The following ZNF148 variants were observed in gnomAD, a reference collection of about 807,000 sequenced individuals.
ZNF148 encodes zinc finger protein 148.
Under a neutral mutation model 67.7 loss-of-function variants are expected in ZNF148, and 7 were observed. The observed-to-expected ratio is 0.10, with a 90% CI of 0.06 to 0.19. The LOEUF (loss-of-function observed/expected upper bound fraction) is 0.19. Among genes scored for constraint, ZNF148 ranks in the 10% least tolerant of loss-of-function variants. The probability of loss-of-function intolerance (pLI) is 1.00; values close to 1 mark genes in which losing one functional copy is unlikely to be tolerated. For synonymous variants in ZNF148, 333 were observed against 330.7 expected, an observed-to-expected ratio of 1.01 and a Z score of -0.08; for missense variants, 583 against 947.1, an observed-to-expected ratio of 0.62 and a Z score of 5.05.
At chr3:125,362,350 T>C (rs879645256) in intron 1 of ZNF148, among the ~76,000 whole-genome samples, 1 of 152,084 alleles carries the variant, frequency 6.6e-6, no homozygotes, top group Non-Finnish European at 1.5e-5. Flanking sequence ...AGAATAAGAG[T>C]TGTTGTTCTT....
intron 7 of ZNF148, among the ~76,000 whole-genome samples, chr3:125,251,758 T>C (rs1016571359): frequency 2.6e-5 from 4 of 152,220 alleles, no homozygotes; most frequent in Non-Finnish European, 4.4e-5. Context: ...CTAACAAGGC[T>C]GCTTAAATGT....
chr3:125,342,115 G>A (rs1448080036), intron 1 of ZNF148, among the ~76,000 whole-genome samples: 1 of 107,118 alleles, frequency 9.3e-6, no homozygotes, highest in Non-Finnish European at 1.9e-5. Context: ...GTAGCTTTAG[G>A]GAACTACAGG....
intron 7 of ZNF148, among the ~76,000 whole-genome samples, chr3:125,249,588 C>T (rs1936748279): frequency 6.6e-6 from 1 of 151,740 alleles, no homozygotes; most frequent in Admixed American, 6.6e-5. Flanking sequence ...ACTGACAGAG[C>T]CATTATGGAA....
intron 7 of ZNF148, among the ~76,000 whole-genome samples, chr3:125,243,258 G>A (rs1936447566): frequency 6.6e-6 from 1 of 152,120 alleles, no homozygotes; most frequent in African/African-American, 2.4e-5. Flanking sequence ...TGTGAAAAGA[G>A]TGTTTTCTTC....
At chr3:125,277,011 A>AAC (rs1938111790) in intron 7 of ZNF148, among the ~76,000 whole-genome samples, 1 of 152,230 alleles carries the variant, frequency 6.6e-6, no homozygotes, top group African/African-American at 2.4e-5. Flanking sequence ...ATTCAAAGTT[A>AAC]TACAAATTTA....
chr3:125,263,572 A>G (rs1260263554), intron 7 of ZNF148, among the ~76,000 whole-genome samples: 1 of 151,896 alleles, frequency 6.6e-6, no homozygotes, highest in African/African-American at 2.4e-5. Flanking sequence ...AGAAATATAC[A>G]TTCAATTTTT....
intron 1 of ZNF148, among the ~76,000 whole-genome samples, chr3:125,354,452 C>T (rs1457482123): frequency 6.6e-6 from 1 of 152,224 alleles, no homozygotes; most frequent in Non-Finnish European, 1.5e-5. Context: ...ATTGATACTT[C>T]TTCTGACAAT....
At chr3:125,315,850 C>T (rs1360995151) in intron 3 of ZNF148, among the ~76,000 whole-genome samples, 3 of 152,194 alleles carry the variant, frequency 2.0e-5, no homozygotes, top group Admixed American at 6.5e-5. Context: ...AATAATTTAC[C>T]CTTTGAGCTA....
chr3:125,272,707 G>A (rs1937821646), intron 7 of ZNF148, among the ~76,000 whole-genome samples: 1 of 151,400 alleles, frequency 6.6e-6, no homozygotes, highest in African/African-American at 2.4e-5. Flanking sequence ...GTCTTTATTG[G>A]GATATTTTGA....
intron 7 of ZNF148, among the ~76,000 whole-genome samples, chr3:125,235,845 C>T (rs563846411): frequency 1.0e-3 from 149 of 149,638 alleles, no homozygotes; most frequent in African/African-American, 3.3e-3. Context: ...CAAACTATCA[C>T]AAGGACAAAA....
At chr3:125,244,295 TGA>T (rs1032582059) in intron 7 of ZNF148, among the ~76,000 whole-genome samples, 1 of 152,166 alleles carries the variant, frequency 6.6e-6, no homozygotes, top group South Asian at 2.1e-4. Context: ...AAACTATATA[TGA>T]GAGAGTTATA....
At chr3:125,324,890 T>C (rs1349519861) in intron 2 of ZNF148, among the ~76,000 whole-genome samples, 1 of 152,196 alleles carries the variant, frequency 6.6e-6, no homozygotes, top group Non-Finnish European at 1.5e-5. Context: ...TTTCAGAATT[T>C]TCCTGGATAT....
At chr3:125,373,811 C>T (rs1179312867) in intron 1 of ZNF148, among the ~76,000 whole-genome samples, 2 of 152,136 alleles carry the variant, frequency 1.3e-5, no homozygotes, top group Non-Finnish European at 2.9e-5. Flanking sequence ...ATTTATGGAA[C>T]CAATCCAGCC....
At chr3:125,240,990 C>T (rs2011442) in intron 7 of ZNF148, among the ~76,000 whole-genome samples, 104,537 of 151,764 alleles carry the variant, frequency 0.69, 36,713 homozygotes, top group Middle Eastern at 0.8. Context: ...ATTCCTGTCT[C>T]TTGTTCTCCT....
intron 3 of ZNF148, among the ~76,000 whole-genome samples, chr3:125,317,702 T>C (rs1275774921): frequency 1.2e-5 from 1 of 80,816 alleles, no homozygotes; most frequent in Non-Finnish European, 2.9e-5. Context: ...CACACACATA[T>C]ATATATATAT....
intron 1 of ZNF148, among the ~76,000 whole-genome samples, chr3:125,348,411 G>A (rs759441746): frequency 2.1e-5 from 3 of 145,188 alleles, no homozygotes; most frequent in African/African-American, 5.1e-5. Flanking sequence ...GGCCCGAGAC[G>A]CCAAGGTTGC....
chr3:125,298,497 A>G (rs1939407707), intron 4 of ZNF148, among the ~76,000 whole-genome samples: 2 of 152,284 alleles, frequency 1.3e-5, no homozygotes, highest in South Asian at 2.1e-4. Context: ...GCAGTTTTAC[A>G]TGCAATAACA....
intron 1 of ZNF148, among the ~76,000 whole-genome samples, chr3:125,339,379 G>A (rs767041637): frequency 1.3e-5 from 2 of 152,098 alleles, no homozygotes; most frequent in East Asian, 1.9e-4. Flanking sequence ...ATGCAGTAAC[G>A]TATTACGGGA....
intron 1 of ZNF148, among the ~76,000 whole-genome samples, chr3:125,366,627 T>C (rs1942711773): frequency 6.6e-6 from 1 of 152,192 alleles, no homozygotes; most frequent in Non-Finnish European, 1.5e-5. Flanking sequence ...ACTTCTTGTT[T>C]TACCCACACA....
Sources: gnomAD v4.1 joint callset for allele counts (sites outside exome capture counted in the v4.1 genomes callset) on GRCh38, gnomAD v4.1.1 for gene constraint, MANE v1.5 for transcripts, NCBI Gene and HGNC (gene_info 2026-07-23, HGNC 2026-07-21) for gene names.